Variants in NDE1 observed in about 807,000 individuals in gnomAD.
NDE1 encodes the protein nuclear distribution protein nudE homolog 1.
A neutral mutation model predicts 43.4 loss-of-function variants in NDE1; 28 were observed. The ratio of observed to expected loss-of-function variants is 0.65; its 90% CI spans 0.48 to 0.89. The LOEUF is 0.89. Ranked by LOEUF, NDE1 falls within the 40% of genes least tolerant of loss-of-function variation. The pLI, the probability that NDE1 is intolerant of heterozygous loss-of-function variation, is 0.00. For missense variants in NDE1, 441 were observed against 434.1 expected, an observed-to-expected ratio of 1.02 and a Z score of -0.14; for synonymous variants, 184 against 172.0, an observed-to-expected ratio of 1.07 and a Z score of -0.55.
At chr16:15,695,052 G>A (rs1252887465) in intron 7 of NDE1, 8 of 295,674 alleles carry the variant, frequency 2.7e-5, no homozygotes, top group Non-Finnish European at 3.5e-5. Flanking sequence ...GCCTGATGGT[G>A]TACACTGGTG....
At chr16:15,689,738 G>C (rs2038632450) in intron 5 of NDE1, among the ~76,000 whole-genome samples, 1 of 150,350 alleles carries the variant, frequency 6.7e-6, no homozygotes, top group Non-Finnish European at 1.5e-5. Context: ...TCAGGAGTTA[G>C]AGTCCAGCCT....
In NDE1 at chr16:15,725,516, G is replaced by A. The variant is rs914895753; in HGVS notation, c.*1265G>A. 1.4e-5 allele frequency: 6 copies of A among 420,158 alleles called. No individual in the cohort carries two copies. The highest frequency in any genetic ancestry group is 4.1e-5 in the African/African-American group (2 of 48,866). The allele number at this position is 420,158 out of a possible 1,614,324, so 26.0% of individuals were successfully genotyped here. A position where few individuals can be genotyped will look rare whatever the true frequency, so the allele number is the denominator to read the frequency against. ...CCCTAAAGGTAAAAACGTCCTCTCT[G>A]TATTCTCTGGCTTTTACTCCCTAGT... On this transcript the variant is annotated 3_prime_UTR_variant, in exon 9 of 9. Coordinates refer to ENST00000396354, the MANE Select transcript of NDE1 (RefSeq NM_017668.3).
At chr16:15,704,066 A>G in intron 8 of NDE1, 5 of 1,614,068 alleles carry the variant, frequency 3.1e-6, no homozygotes, top group African/African-American at 2.7e-5. Context: ...CTGCATTTTC[A>G]ATAACTCTAC....
At chr16:15,687,242 C>T (rs768914909) in intron 4 of NDE1, 133 bp from the exon 5 acceptor site, 1 of 1,572,508 alleles carries the variant, frequency 6.4e-7, no homozygotes, top group Non-Finnish European at 8.6e-7. Context: ...TTGGCCCACT[C>T]TGTGGCATCT....
chr16:15,718,467 C>T (rs1460422435), intron 8 of NDE1: 1 of 1,541,056 alleles, frequency 6.5e-7, no homozygotes, highest in South Asian at 1.2e-5. Flanking sequence ...TGGTGGGGGC[C>T]TCTACCCTCC....
intron 8 of NDE1, among the ~76,000 whole-genome samples, chr16:15,704,822 AT>A (rs1477384727): frequency 2.6e-5 from 4 of 152,216 alleles, no homozygotes; most frequent in Admixed American, 1.3e-4. Context: ...AGAAAAGGAA[AT>A]TATACGTGTT....
chr16:15,649,069 G>A (rs2151382006), upstream of NDE1, among the ~76,000 whole-genome samples: 1 of 152,054 alleles, frequency 6.6e-6, no homozygotes, highest in East Asian at 2.0e-4. Context: ...GGTGATGCGG[G>A]CCTGTGATCC....
chr16:15,677,682 C>G (rs970478669), intron 3 of NDE1, 119 bp from the exon 4 acceptor site: 14 of 1,074,188 alleles, frequency 1.3e-5, no homozygotes, highest in African/African-American at 6.2e-5. Context: ...CTCCTGGGCT[C>G]AGGCAGTCCT....
chr16:15,673,067 A>T (rs1305731440), intron 3 of NDE1, among the ~76,000 whole-genome samples: 1 of 152,210 alleles, frequency 6.6e-6, no homozygotes, highest in Non-Finnish European at 1.5e-5. Context: ...CCCTGGGTGC[A>T]TCCGGACTTT....
upstream of NDE1, chr16:15,650,123 G>T (rs963863878): frequency 4.6e-4 from 70 of 153,116 alleles, no homozygotes; most frequent in African/African-American, 1.6e-3. Context: ...TCCAAACGAC[G>T]CTGCTCTGCG....
At chr16:15,705,423 T>G (rs2039393781) in intron 8 of NDE1, among the ~76,000 whole-genome samples, 2 of 152,012 alleles carry the variant, frequency 1.3e-5, no homozygotes, top group Admixed American at 1.3e-4. Flanking sequence ...AGACTTTGGG[T>G]AGGAGGAAGA....
rs1403883169 is a variant in NDE1 at position 15,718,457 on chromosome 16, T to C, written c.948-5734T>C. 2 of 1,545,300 alleles carry C rather than the reference T, an allele frequency of 1.3e-6. No individual in the cohort carries two copies. Among genetic ancestry groups the C allele is most frequent in the East Asian group, 2.4e-5 (1 of 41,444 alleles). ...TGCGTTCCTGGGGGAAGGGCGGCCA[T>C]GGTGGGGGCCTCTACCCTCCCCCGC... is the stretch of plus-strand genomic sequence containing the variant. On this transcript the variant is annotated intron_variant, in intron 8 of 8. Transcript: ENST00000396354.
chr16:15,712,146 G>C (rs1027604537), intron 8 of NDE1, among the ~76,000 whole-genome samples: 1 of 152,240 alleles, frequency 6.6e-6, no homozygotes, highest in African/African-American at 2.4e-5. Flanking sequence ...AGAGGAGCCA[G>C]TTTGGGGGTG....
At position 15,720,232 on chromosome 16, in the gene NDE1, C is replaced by T. The variant is rs764800035; in HGVS notation, c.948-3959C>T. The T allele has an allele frequency of 1.5e-5, 25 of 1,614,110 alleles. No homozygotes were observed. Among genetic ancestry groups the T allele is most frequent in the Non-Finnish European group, 1.8e-5 (21 of 1,180,016 alleles). ...CCTGAAGCTCCAGGTCTTTCAGGTC[C>T]CCTTCCAGCTTCTTCTTTGCTGCAG... On this transcript the variant is annotated intron_variant, in intron 8 of 8. Coordinates refer to ENST00000396354, the MANE Select transcript of NDE1 (RefSeq NM_017668.3).
chr16:15,717,577 T>C (rs1365626079), intron 8 of NDE1: 1 of 596,098 alleles, frequency 1.7e-6, no homozygotes, highest in Non-Finnish European at 3.0e-6. Context: ...GGTAAATCAC[T>C]TGAGCTCAGG....
chr16:15,694,748 C>T (rs1394041516), intron 7 of NDE1: 1 of 985,252 alleles, frequency 1.0e-6, no homozygotes, highest in Admixed American at 6.2e-5. Context: ...ACACTCAGAG[C>T]TCTGACTCGA....
At chr16:15,708,749 G>T in intron 8 of NDE1, 4 of 1,559,830 alleles carry the variant, frequency 2.6e-6, no homozygotes, top group Non-Finnish European at 3.5e-6. Flanking sequence ...GCATTGGGCA[G>T]AAAAGAAATG....
intron 1 of NDE1, among the ~76,000 whole-genome samples, chr16:15,660,466 C>T (rs2036986679): frequency 6.6e-6 from 1 of 151,730 alleles, no homozygotes; most frequent in South Asian, 2.1e-4. Context: ...GATTGAGACC[C>T]TATCTCTTAA....
At chr16:15,690,829 C>T (rs76253920) in intron 5 of NDE1, among the ~76,000 whole-genome samples, 377 of 152,122 alleles carry the variant, frequency 2.5e-3, no homozygotes, top group African/African-American at 8.4e-3. Flanking sequence ...TTTTTTGAGA[C>T]GTAGTCTTGC....
Sources: allele counts gnomAD v4.1 joint callset (sites outside exome capture counted in the v4.1 genomes callset), GRCh38; gene constraint gnomAD v4.1.1; transcripts MANE v1.5; gene names NCBI Gene and HGNC (gene_info 2026-07-23, HGNC 2026-07-21).